EXT1: variants seen among roughly 807,000 people sequenced by gnomAD.
EXT1 encodes the protein exostosin-1.
Under a neutral mutation model 82.5 loss-of-function variants are expected in EXT1, and 20 were observed. The observed-to-expected ratio is 0.24, with a 90% CI of 0.17 to 0.35. The LOEUF is 0.35. Ranked by LOEUF, EXT1 falls within the 10% of genes least tolerant of loss-of-function variation. The probability of loss-of-function intolerance (pLI) is 1.00; values close to 1 mark genes in which losing one functional copy is unlikely to be tolerated. For missense variants in EXT1, 757 were observed against 936.5 expected (o/e 0.81, Z 2.50); for synonymous variants, 348 against 350.8 (o/e 0.99, Z 0.09).
intron 1 of EXT1, among the ~76,000 whole-genome samples, chr8:117,921,465 T>C (rs1450846361): frequency 3.9e-5 from 6 of 152,234 alleles, no homozygotes; most frequent in Admixed American, 1.3e-4. Context: ...TAGAAATCTC[T>C]AACCTAGATG....
intron 1 of EXT1, among the ~76,000 whole-genome samples, chr8:117,946,590 G>A (rs1487430220): frequency 6.6e-6 from 1 of 152,114 alleles, no homozygotes; most frequent in East Asian, 1.9e-4. Context: ...TAGCTTGGGC[G>A]AGCATGGAAA....
At chr8:117,876,242 GGAAAT>G (rs1166952632) in intron 1 of EXT1, among the ~76,000 whole-genome samples, 1 of 152,176 alleles carries the variant, frequency 6.6e-6, no homozygotes, top group Non-Finnish European at 1.5e-5. Context: ...TATATCCAGA[GGAAAT>G]GACACTTGAA....
Position 118,060,628 on chromosome 8 carries a change from G to A in EXT1, c.962+49457C>T, listed in dbSNP as rs574779394. Among the ~76,000 whole-genome samples, 23 of 152,306 alleles carry A rather than the reference G, an allele frequency of 1.5e-4. No individual in the cohort carries two copies. The South Asian group carries it at 4.8e-3, about 32-fold the overall frequency. ...TCCTCAGCTGGTGACTTGCTGGTAA[G>A]GGCCATTTACATTTGGGGTTGCTTT... On this transcript the variant is annotated intron_variant, in intron 1 of 10. Coordinates refer to ENST00000378204, the MANE Select transcript of EXT1 (RefSeq NM_000127.3).
At chr8:118,077,942 C>A (rs1022646078) in intron 1 of EXT1, among the ~76,000 whole-genome samples, 2 of 152,192 alleles carry the variant, frequency 1.3e-5, no homozygotes, top group South Asian at 2.1e-4. Context: ...AATTTGAGTG[C>A]TCATTCTGTG....
chr8:117,860,356 G>A (rs572713276), intron 1 of EXT1, among the ~76,000 whole-genome samples: 1 of 152,184 alleles, frequency 6.6e-6, no homozygotes, highest in Non-Finnish European at 1.5e-5. Context: ...CCTCAAGGTG[G>A]GAGGGTGGAA....
chr8:117,891,334 T>C (rs1253596070), intron 1 of EXT1, among the ~76,000 whole-genome samples: 1 of 152,186 alleles, frequency 6.6e-6, no homozygotes, highest in Non-Finnish European at 1.5e-5. Flanking sequence ...AAAACACATG[T>C]AAAACTCCTA....
chr8:118,024,184 GA>G (rs1816163274), intron 1 of EXT1, among the ~76,000 whole-genome samples: 1 of 152,208 alleles, frequency 6.6e-6, no homozygotes, highest in Non-Finnish European at 1.5e-5. Context: ...AGGAAGGTGA[GA>G]AAATGTAAAC....
chr8:118,105,134 G>T (rs922146847), intron 1 of EXT1, among the ~76,000 whole-genome samples: 1 of 152,152 alleles, frequency 6.6e-6, no homozygotes, highest in African/African-American at 2.4e-5. Flanking sequence ...GAGCAAAGCA[G>T]CCAGGCCCTA....
intron 1 of EXT1, among the ~76,000 whole-genome samples, chr8:118,055,128 C>T (rs551258025): frequency 6.6e-6 from 1 of 152,144 alleles, no homozygotes; most frequent in Non-Finnish European, 1.5e-5. Flanking sequence ...AGTTTTTGCA[C>T]TCTCTTTTCC....
chr8:117,957,449 C>T (rs886787302), intron 1 of EXT1, among the ~76,000 whole-genome samples: 5 of 152,234 alleles, frequency 3.3e-5, no homozygotes, highest in South Asian at 2.1e-4. Context: ...CCTGGCCTCT[C>T]GGCCCGGAAT....
chr8:117,946,643 C>T (rs889190358), intron 1 of EXT1, among the ~76,000 whole-genome samples: 1 of 151,964 alleles, frequency 6.6e-6, no homozygotes, highest in African/African-American at 2.4e-5. Flanking sequence ...ATCCTATACA[C>T]GAGGACCAGT....
Position 117,977,143 on chromosome 8 carries a change from T to C in EXT1, c.962+132942A>G, listed in dbSNP as rs17476149. 6.6e-3 allele frequency among the ~76,000 whole-genome samples: 1,008 copies of C among 152,170 alleles called. 10 individuals carry two copies. The highest frequency in any genetic ancestry group is 0.023 in the African/African-American group (967 of 41,534). On this transcript the variant is annotated intron_variant, in intron 1 of 10. Transcript: ENST00000378204. ...AGCTTGCACCTATAATCCCAGCACT[T>C]TGGGAGGCCGAGGTGGGTGGATCAC...
Position 118,110,369 on chromosome 8 carries a change from G to A in EXT1, c.678C>T (p.Phe226=). ...GAATAGAAACATCAAAGTTGGGTCG[G>A]AAGTTTTCAGTACTGATGCTGGCTT... ...LAKASISTEN[F]RPNFDVSIPL... Residue 226 remains phenylalanine (F), a synonymous_variant, in exon 1 of 11, where the codon TTC becomes TTT. Coordinates refer to ENST00000378204, the MANE Select transcript of EXT1 (RefSeq NM_000127.3). 1 of 1,614,206 alleles carries A rather than the reference G, an allele frequency of 6.2e-7. No individual in the cohort carries two copies. Among genetic ancestry groups the A allele is most frequent in the Non-Finnish European group, 8.5e-7 (1 of 1,180,042 alleles).
intron 1 of EXT1, among the ~76,000 whole-genome samples, chr8:117,856,299 G>A (rs1812556662): frequency 6.7e-6 from 1 of 149,626 alleles, no homozygotes; most frequent in South Asian, 2.1e-4. Context: ...CTGTTGCCCA[G>A]GCTGGAGTGC....
At chr8:117,965,856 A>C (rs1389871694) in intron 1 of EXT1, among the ~76,000 whole-genome samples, 2 of 152,158 alleles carry the variant, frequency 1.3e-5, no homozygotes, top group African/African-American at 4.8e-5. Context: ...TGATATGTGG[A>C]ATAACTAAAA....
At chr8:117,966,642 C>T (rs901485274) in intron 1 of EXT1, among the ~76,000 whole-genome samples, 1 of 152,124 alleles carries the variant, frequency 6.6e-6, no homozygotes, top group African/African-American at 2.4e-5. Context: ...TTATTCTGTT[C>T]TGCATTTCAT....
At chr8:117,880,843 G>A (rs1237404932) in intron 1 of EXT1, among the ~76,000 whole-genome samples, 2 of 152,106 alleles carry the variant, frequency 1.3e-5, no homozygotes, top group East Asian at 1.9e-4. Context: ...CACCCACCTC[G>A]GCCTCCCAAA....
At chr8:118,109,175 A>G (rs1293821305) in intron 1 of EXT1, among the ~76,000 whole-genome samples, 1 of 152,184 alleles carries the variant, frequency 6.6e-6, no homozygotes, top group Non-Finnish European at 1.5e-5. Flanking sequence ...AAAGGTCTAC[A>G]AAGTAACCAA....
intron 1 of EXT1, among the ~76,000 whole-genome samples, chr8:117,872,702 A>C (rs559172710): frequency 6.6e-6 from 1 of 152,334 alleles, no homozygotes; most frequent in African/African-American, 2.4e-5. Context: ...AAAATGGAAA[A>C]GAAAGAAATG....
Sources: gnomAD v4.1 joint callset for allele counts (sites outside exome capture counted in the v4.1 genomes callset) on GRCh38, gnomAD v4.1.1 for gene constraint, MANE v1.5 for transcripts, NCBI Gene and HGNC (gene_info 2026-07-23, HGNC 2026-07-21) for gene names.